ATRX: variants seen among roughly 807,000 people sequenced by gnomAD.
ATRX encodes chromatin remodeler ATRX.
ATRX carries 12 observed loss-of-function variants against 172.6 expected under a neutral mutation model. The ratio of observed to expected loss-of-function variants is 0.07; its 90% CI spans 0.04 to 0.11. ATRX has a LOEUF of 0.11. Ranked by LOEUF, ATRX falls within the 10% of genes least tolerant of loss-of-function variation. ATRX has a pLI of 1.00. For missense variants in ATRX, 1,368 were observed against 1,767.4 expected (o/e 0.77, Z 4.05); for synonymous variants, 674 against 594.7 (o/e 1.13, Z -1.94).
intron 15 of ATRX, among the ~76,000 whole-genome samples, chrX:77,641,512 C>T (rs955918578): frequency 2.5e-4 from 26 of 104,507 alleles, no homozygotes; most frequent in Non-Finnish European, 4.1e-4. Context: ...ACCCAGGAGG[C>T]GGAGGTTCCA....
intron 28 of ATRX, among the ~76,000 whole-genome samples, chrX:77,571,689 C>T (rs1324776712): frequency 9.0e-6 from 1 of 111,447 alleles, no homozygotes; most frequent in East Asian, 2.8e-4. Context: ...CATTGAAACA[C>T]TGTCAACTTC....
rs1557136771 is a variant in ATRX at position 77,681,500 on chromosome X, TTTTA to T, written c.3736+16_3736+19del. The T allele has an allele frequency of 5.0e-6, 6 of 1,198,416 alleles. No individual in the cohort carries two copies. The highest frequency in any genetic ancestry group is 2.2e-5 in the Admixed American group (1 of 45,807). Reference sequence around the variant, plus strand: ...GAGGGGGAAGTACAAATTATGAATTTTTTATTTATTTTTGCATACCTGAAGATTG... The same window carrying T: ...GAGGGGGAAGTACAAATTATGAATTTTTTATTTTTGCATACCTGAAGATTG... On this transcript the variant is annotated intron_variant, in intron 9 of 34. Transcript: ENST00000373344.
intron 12 of ATRX, among the ~76,000 whole-genome samples, chrX:77,657,834 T>C (rs1314436489): frequency 9.0e-6 from 1 of 111,698 alleles, no homozygotes; most frequent in Non-Finnish European, 1.9e-5. Context: ...GATAGAAAAA[T>C]AATATTTTCT....
At chrX:77,765,898 C>T (rs1262542441) in intron 1 of ATRX, among the ~76,000 whole-genome samples, 9 of 107,773 alleles carry the variant, frequency 8.4e-5, no homozygotes, top group Non-Finnish European at 1.7e-4. Flanking sequence ...TGATTCTTAA[C>T]GAGCATGCTG....
chrX:77,679,173 A>G (rs1474215529), intron 9 of ATRX, among the ~76,000 whole-genome samples: 1 of 110,958 alleles, frequency 9.0e-6, no homozygotes, highest in African/African-American at 3.3e-5. Flanking sequence ...ATTCTATTCT[A>G]CTTGTTTCTA....
intron 15 of ATRX, among the ~76,000 whole-genome samples, chrX:77,640,176 A>AG (rs2068582559): frequency 9.0e-6 from 1 of 111,436 alleles, no homozygotes; most frequent in Non-Finnish European, 1.9e-5. Flanking sequence ...GAACTACTGG[A>AG]GGGGGAGGGA....
intron 15 of ATRX, among the ~76,000 whole-genome samples, chrX:77,644,024 C>T (rs1298512817): frequency 7.1e-5 from 8 of 111,911 alleles, no homozygotes; most frequent in Non-Finnish European, 1.5e-4. Flanking sequence ...ACTGCAACCT[C>T]TGCCTCCCGG....
rs782077373 is a variant in ATRX at position 77,683,906 on chromosome X, A to G, written c.1350T>C (p.Cys450=). The G allele has an allele frequency of 5.8e-6, 7 of 1,208,391 alleles. No homozygotes were observed. The African/African-American group carries it at 1.2e-4, about 21-fold the overall frequency. Residue 450 remains cysteine, a synonymous_variant, in exon 9 of 35, where the codon TGT becomes TGC. Transcript: ENST00000373344. ...TTGAAATATCCTTCTTTTCCAAAGC[A>G]CAAGGTTTTTCTCCTTTTCGTGCTT... ...ETKARKGEKP[C]ALEKKDISKS... is the part of the protein sequence containing the mutation.
intron 2 of ATRX, among the ~76,000 whole-genome samples, chrX:77,702,136 A>G (rs1435307251): frequency 8.9e-6 from 1 of 112,304 alleles, no homozygotes; most frequent in Admixed American, 9.4e-5. Flanking sequence ...GATCCTAAGG[A>G]ATCCACTAAA....
chrX:77,555,131 G>A (rs1327804495), intron 30 of ATRX, among the ~76,000 whole-genome samples: 7 of 111,025 alleles, frequency 6.3e-5, no homozygotes, highest in Non-Finnish European at 1.1e-4. Context: ...TTGTAACACA[G>A]TTTGAAAACG....
intron 19 of ATRX, among the ~76,000 whole-genome samples, chrX:77,620,774 C>CT (rs1363551005): frequency 2.0e-4 from 22 of 111,271 alleles, no homozygotes; most frequent in Non-Finnish European, 5.7e-5. Flanking sequence ...TCAGGGTCCT[C>CT]TGAGTTTACA....
chrX:77,512,200 A>C (rs2147678616), intron 34 of ATRX, among the ~76,000 whole-genome samples: 1 of 112,082 alleles, frequency 8.9e-6, no homozygotes, highest in Admixed American at 9.4e-5. Context: ...AGGAACAAAC[A>C]AACAAACAAA....
intron 10 of ATRX, among the ~76,000 whole-genome samples, chrX:77,672,691 A>C (rs1445904231): frequency 9.0e-6 from 1 of 110,576 alleles, no homozygotes; most frequent in Non-Finnish European, 1.9e-5. Context: ...GCTTCTATGA[A>C]AAAAAAAGCA....
chrX:77,604,881 A>C lies in ATRX; in HGVS notation c.5567-4317T>G, dbSNP rs1197690067. On this transcript the variant is annotated intron_variant, in intron 22 of 34. Coordinates refer to ENST00000373344, the MANE Select transcript of ATRX (RefSeq NM_000489.6). Reference sequence around the variant, plus strand: ...GATGGAACTGGAGGCCATTATCTTAAGTGAAACAATTGAGACACAGAAAGA... The same window carrying C: ...GATGGAACTGGAGGCCATTATCTTACGTGAAACAATTGAGACACAGAAAGA... Among the ~76,000 whole-genome samples the C allele has an allele frequency of 3.6e-5, 4 of 112,281 alleles. No homozygotes were observed. The Admixed American group carries it at 3.8e-4, about 11-fold the overall frequency.
chrX:77,600,338 C>A (rs2066629865), intron 23 of ATRX, 96 bp downstream of exon 23: 1 of 996,315 alleles, frequency 1.0e-6, no homozygotes, highest in African/African-American at 1.9e-5. Context: ...TAGAACAAAG[C>A]AATAGAAAAT....
At position 77,723,351 on chromosome X, in the gene ATRX, A is replaced by C. The variant is rs186994474; in HGVS notation, c.21-6108T>G. ...ATATACACATAAGAAAAATGAAAAC[A>C]TTTACTGAACACTTAGTAAGTGTTC... On this transcript the variant is annotated intron_variant, in intron 1 of 34. Transcript: ENST00000373344. Among the ~76,000 whole-genome samples the C allele has an allele frequency of 8.2e-3, 912 of 111,702 alleles. 9 individuals are homozygous for C. Among genetic ancestry groups the C allele is most frequent in the African/African-American group, 0.027 (845 of 30,737 alleles).
intron 1 of ATRX, among the ~76,000 whole-genome samples, chrX:77,777,996 C>A (rs1180152652): frequency 9.2e-6 from 1 of 108,854 alleles, no homozygotes; most frequent in African/African-American, 3.4e-5. Context: ...ACTAGCCAGG[C>A]ATGGTGGCTC....
intron 30 of ATRX, among the ~76,000 whole-genome samples, chrX:77,552,211 C>T (rs1349743632): frequency 1.8e-5 from 2 of 110,378 alleles, no homozygotes; most frequent in Non-Finnish European, 3.8e-5. Flanking sequence ...TGGAACCAAC[C>T]CAAATGCCCA....
chrX:77,579,853 T>C (rs1185388920), intron 27 of ATRX, among the ~76,000 whole-genome samples: 1 of 112,404 alleles, frequency 8.9e-6, no homozygotes, highest in South Asian at 3.6e-4. Flanking sequence ...GACAGAGATA[T>C]GTGACCTTTC....
Sources: gnomAD v4.1 joint callset for allele counts (sites outside exome capture counted in the v4.1 genomes callset) on GRCh38, gnomAD v4.1.1 for gene constraint, MANE v1.5 for transcripts, NCBI Gene and HGNC (gene_info 2026-07-23, HGNC 2026-07-21) for gene names.